ARB2A: variants seen among roughly 807,000 people sequenced by gnomAD.
ARB2A encodes ARB2 cotranscriptional regulator A, also known as cotranscriptional regulator ARB2A.
At chr5:93,985,402 C>A in the ARB2A span, among the ~76,000 whole-genome samples, 1 of 151,634 alleles carries the variant, frequency 6.6e-6, no homozygotes, top group Non-Finnish European at 1.5e-5. Flanking sequence ...CATGGTCTCC[C>A]CCTCTCCCTC....
the ARB2A span, among the ~76,000 whole-genome samples, chr5:93,989,901 T>G: frequency 6.6e-6 from 1 of 152,144 alleles, no homozygotes; most frequent in Non-Finnish European, 1.5e-5. Context: ...TATCTTTTCT[T>G]GTTTCCTTCT....
the ARB2A span, among the ~76,000 whole-genome samples, chr5:93,900,148 G>A: frequency 6.6e-6 from 1 of 152,018 alleles, no homozygotes; most frequent in South Asian, 2.1e-4. Flanking sequence ...CATGGCATTA[G>A]GCTTGAAAGT....
the ARB2A span, among the ~76,000 whole-genome samples, chr5:93,872,659 T>C: frequency 6.6e-6 from 1 of 152,176 alleles, no homozygotes; most frequent in Non-Finnish European, 1.5e-5. Context: ...GGCTGATGCC[T>C]GTAATCCCAG....
the ARB2A span, among the ~76,000 whole-genome samples, chr5:94,068,938 G>C: frequency 6.6e-6 from 1 of 151,344 alleles, no homozygotes; most frequent in Non-Finnish European, 1.5e-5. Context: ...AGGAGGCTGA[G>C]ACTAGAGAAT....
chr5:94,059,493 C>T, the ARB2A span, among the ~76,000 whole-genome samples: 1 of 151,340 alleles, frequency 6.6e-6, no homozygotes, highest in Non-Finnish European at 1.5e-5. Flanking sequence ...TGGTGGCACG[C>T]GCCTGTAATC....
chr5:93,910,263 T>TG, the ARB2A span, among the ~76,000 whole-genome samples: 15,897 of 150,770 alleles, frequency 0.11, 973 homozygotes, highest in Middle Eastern at 0.16. Context: ...TATATTTCCA[T>TG]GGGGGGGCAA....
At chr5:93,782,830 A>C in the ARB2A span, among the ~76,000 whole-genome samples, 1 of 152,158 alleles carries the variant, frequency 6.6e-6, no homozygotes, top group Non-Finnish European at 1.5e-5. Flanking sequence ...GTCAAAATAC[A>C]AAACTCTTCA....
the ARB2A span, among the ~76,000 whole-genome samples, chr5:93,712,991 C>T: frequency 6.6e-6 from 1 of 152,124 alleles, no homozygotes; most frequent in African/African-American, 2.4e-5. Flanking sequence ...GCTGGGAAAA[C>T]TGGAAATCCA....
the ARB2A span, among the ~76,000 whole-genome samples, chr5:93,850,529 G>C: frequency 6.6e-6 from 1 of 152,168 alleles, no homozygotes; most frequent in Non-Finnish European, 1.5e-5. Context: ...GGCCAGAGAA[G>C]CTTGCTCCTG....
the ARB2A span, among the ~76,000 whole-genome samples, chr5:93,769,780 C>T: frequency 2.0e-5 from 3 of 152,134 alleles, no homozygotes; most frequent in Non-Finnish European, 4.4e-5. Context: ...GCCTGGAACA[C>T]AGTAAATGTC....
At chr5:94,047,204 T>C in the ARB2A span, among the ~76,000 whole-genome samples, 1 of 152,172 alleles carries the variant, frequency 6.6e-6, no homozygotes, top group African/African-American at 2.4e-5. Flanking sequence ...AAAAGTTAAA[T>C]GCTATGGCCA....
the ARB2A span, among the ~76,000 whole-genome samples, chr5:93,903,250 T>G: frequency 6.6e-6 from 1 of 152,056 alleles, no homozygotes; most frequent in Non-Finnish European, 1.5e-5. Flanking sequence ...ATCTCCTGTA[T>G]TTTGACTATA....
At chr5:93,898,157 T>TA in the ARB2A span, among the ~76,000 whole-genome samples, 9 of 152,082 alleles carry the variant, frequency 5.9e-5, no homozygotes, top group Non-Finnish European at 8.8e-5. Flanking sequence ...AAATGAGACA[T>TA]ACGATTTCTT....
At chr5:93,951,101 T>G in the ARB2A span, among the ~76,000 whole-genome samples, 1 of 152,188 alleles carries the variant, frequency 6.6e-6, no homozygotes, top group African/African-American at 2.4e-5. Flanking sequence ...CACCTTATCA[T>G]ATGCCTGCTT....
chr5:93,782,026 T>A, the ARB2A span: 2 of 643,300 alleles, frequency 3.1e-6, no homozygotes, highest in Non-Finnish European at 3.9e-6. Context: ...ACTGGACTCT[T>A]ATCTTGCCAA....
the ARB2A span, among the ~76,000 whole-genome samples, chr5:93,857,616 G>A: frequency 0.71 from 108,472 of 152,056 alleles, 40,318 homozygotes; most frequent in South Asian, 0.85. Context: ...CTCCTGGTGC[G>A]CCGTATTTTA....
chr5:93,777,092 C>T, the ARB2A span, among the ~76,000 whole-genome samples: 8 of 139,858 alleles, frequency 5.7e-5, no homozygotes, highest in Non-Finnish European at 9.0e-5. Context: ...TTAATGAAGG[C>T]TGTATCAAAA....
chr5:94,085,975 A>AG, the ARB2A span, among the ~76,000 whole-genome samples: 1 of 152,220 alleles, frequency 6.6e-6, no homozygotes, highest in South Asian at 2.1e-4. Flanking sequence ...AAAAATCAAG[A>AG]GAAAAAATAA....
chr5:93,695,717 C>T, the ARB2A span, among the ~76,000 whole-genome samples: 27 of 152,104 alleles, frequency 1.8e-4, no homozygotes, highest in East Asian at 4.1e-3. Flanking sequence ...ATCATTCTAC[C>T]AGAAAGACAT....
Sources: allele counts gnomAD v4.1 joint callset (sites outside exome capture counted in the v4.1 genomes callset), GRCh38; gene constraint gnomAD v4.1.1; transcripts MANE v1.5; gene names NCBI Gene and HGNC (gene_info 2026-07-23, HGNC 2026-07-21).